The following NEURL1 variants were observed in gnomAD, a reference collection of about 807,000 sequenced individuals.
NEURL1 encodes the protein E3 ubiquitin-protein ligase NEURL1.
NEURL1 carries 26 observed loss-of-function variants against 41.2 expected under a neutral mutation model. The observed-to-expected ratio is 0.63, with a 90% CI of 0.46 to 0.87. The LOEUF (loss-of-function observed/expected upper bound fraction) is 0.87, where lower values mean the gene tolerates loss of function less well. Among genes scored for constraint, NEURL1 ranks in the 40% least tolerant of loss-of-function variants. The pLI is 0.00. For missense variants in NEURL1, 761 were observed against 871.1 expected (o/e 0.87, Z 1.59); for synonymous variants, 400 against 402.3 (o/e 0.99, Z 0.07).
intron 1 of NEURL1, among the ~76,000 whole-genome samples, chr10:103,565,357 G>A (rs560721283): frequency 1.2e-4 from 19 of 152,324 alleles, no homozygotes; most frequent in Middle Eastern, 3.4e-3. Flanking sequence ...TGCTCAGGCC[G>A]GGCCGGGCCT....
intron 1 of NEURL1, among the ~76,000 whole-genome samples, chr10:103,513,616 A>G (rs985218022): frequency 7.2e-5 from 11 of 152,198 alleles, no homozygotes; most frequent in Admixed American, 5.2e-4. Context: ...CAGAGGAGAA[A>G]CTGAGGCTCA....
intron 1 of NEURL1, among the ~76,000 whole-genome samples, chr10:103,496,260 T>C (rs1475055416): frequency 2.0e-5 from 3 of 152,204 alleles, no homozygotes; most frequent in Non-Finnish European, 2.9e-5. Context: ...ATAACCTAAA[T>C]GCTCAGTAAT....
At chr10:103,574,136 G>A (rs2035608023) in intron 3 of NEURL1, among the ~76,000 whole-genome samples, 1 of 151,926 alleles carries the variant, frequency 6.6e-6, no homozygotes, top group Non-Finnish European at 1.5e-5. Context: ...CAGATGCGTT[G>A]TTAGATGAAG....
In NEURL1 at chr10:103,584,963, G is replaced by C. The variant is rs370910732; in HGVS notation, c.1077G>C (p.Thr359=). The C allele has an allele frequency of 2.0e-6, 3 of 1,515,790 alleles. No homozygotes were observed. The highest frequency in any genetic ancestry group is 4.2e-5 in the Admixed American group (2 of 48,190). 93.9% of individuals were successfully genotyped at this position (1,515,790 alleles called of 1,614,324 possible). A position where few individuals can be genotyped will look rare whatever the true frequency, so the allele number is the denominator to read the frequency against. Residue 359 remains threonine, a synonymous_variant, in exon 4 of 6, where the codon ACG becomes ACC. Transcript: ENST00000369780. ...GCGCGCTGTCGTTCGGCGTCACCAC[G>C]TGCGACCCCGGCACGCTGCGGCCGG... ...RPGALSFGVT[T]CDPGTLRPAD... is the part of the protein sequence containing the mutation.
chr10:103,563,910 T>G (rs2035361921), intron 1 of NEURL1, among the ~76,000 whole-genome samples: 1 of 152,144 alleles, frequency 6.6e-6, no homozygotes, highest in African/African-American at 2.4e-5. Context: ...AGAGTGGCAT[T>G]GGGGGCATAA....
intron 1 of NEURL1, among the ~76,000 whole-genome samples, chr10:103,570,335 A>G (rs1188491117): frequency 6.6e-6 from 1 of 152,184 alleles, no homozygotes; most frequent in Non-Finnish European, 1.5e-5. Flanking sequence ...ATTGTGCCAG[A>G]GAGGGAAGTG....
chr10:103,533,963 G>A lies in NEURL1; in HGVS notation c.86-36909G>A, dbSNP rs934092761. ...TGGGATTACAGGCGTGAACCACCGCGCCTAGCTCAAATGACCTACCTTTCA... is the reference window on the plus strand; with the variant it reads ...TGGGATTACAGGCGTGAACCACCGCACCTAGCTCAAATGACCTACCTTTCA... On this transcript the variant is annotated intron_variant, in intron 1 of 5. Transcript: ENST00000369780. Among the ~76,000 whole-genome samples the A allele has an allele frequency of 5.9e-5, 9 of 152,088 alleles. No homozygotes were observed. In the South Asian group the frequency reaches 1.5e-3, roughly 25 times the overall value.
intron 1 of NEURL1, among the ~76,000 whole-genome samples, chr10:103,537,199 G>A (rs2034710916): frequency 6.6e-6 from 1 of 151,990 alleles, no homozygotes; most frequent in Non-Finnish European, 1.5e-5. Flanking sequence ...CCATGTTTTG[G>A]TCATTGTGAA....
intron 1 of NEURL1, among the ~76,000 whole-genome samples, chr10:103,542,688 T>A (rs1379156131): frequency 6.6e-6 from 1 of 152,156 alleles, no homozygotes; most frequent in African/African-American, 2.4e-5. Context: ...ACTTACTAGT[T>A]TTTTGTGGCT....
At chr10:103,546,393 G>A (rs962250458) in intron 1 of NEURL1, among the ~76,000 whole-genome samples, 4 of 152,236 alleles carry the variant, frequency 2.6e-5, no homozygotes, top group African/African-American at 9.6e-5. Context: ...TCTGTACAAA[G>A]GGATGAGCAT....
Position 103,583,705 on chromosome 10 carries a change from CAAAAAAAA to C in NEURL1, c.650-811_650-804del, listed in dbSNP as rs1228630032. Among the ~76,000 whole-genome samples the C allele has an allele frequency of 5.1e-4, 10 of 19,562 alleles. No individual in the cohort carries two copies. The East Asian group carries it at 8.1e-3, about 16-fold the overall frequency. 12.8% of individuals were successfully genotyped at this position (19,562 alleles called of 152,430 possible). On this transcript the variant is annotated intron_variant, in intron 3 of 5. Transcript: ENST00000369780. ...TGGGCCACAGAGCAAGATCCTGTCT[CAAAAAAAA>C]AAAAAAAAAAAAAAAAAAAGCCAAA...
chr10:103,513,702 CCTCTGGTT>C (rs995475362), intron 1 of NEURL1, among the ~76,000 whole-genome samples: 2 of 151,786 alleles, frequency 1.3e-5, no homozygotes, highest in African/African-American at 4.8e-5. Flanking sequence ...GGCCCCTGGT[CCTCTGGTT>C]CTCAGACCTC....
intron 3 of NEURL1, among the ~76,000 whole-genome samples, chr10:103,574,985 C>T (rs1387208394): frequency 9.5e-6 from 1 of 105,674 alleles, no homozygotes; most frequent in Non-Finnish European, 1.9e-5. Context: ...TTTATTCTTC[C>T]TGAATTTTTT....
chr10:103,510,375 G>T (rs1042155302), intron 1 of NEURL1, among the ~76,000 whole-genome samples: 2 of 152,172 alleles, frequency 1.3e-5, no homozygotes, highest in Non-Finnish European at 2.9e-5. Context: ...GGCTGCCCTG[G>T]GCACTGCCAG....
At chr10:103,562,325 G>A (rs1267732218) in intron 1 of NEURL1, among the ~76,000 whole-genome samples, 1 of 152,208 alleles carries the variant, frequency 6.6e-6, no homozygotes, top group African/African-American at 2.4e-5. Context: ...GGAGGTTGCA[G>A]TGAGCCAAGA....
intron 1 of NEURL1, among the ~76,000 whole-genome samples, chr10:103,499,805 A>G (rs879579119): frequency 1.8e-3 from 271 of 152,140 alleles, no homozygotes; most frequent in Middle Eastern, 3.4e-3. Flanking sequence ...CCCCTATCTG[A>G]GTCCTCATCC....
chr10:103,560,927 T>TAAGGA (rs1359548470), intron 1 of NEURL1, among the ~76,000 whole-genome samples: 4 of 152,244 alleles, frequency 2.6e-5, no homozygotes, highest in Non-Finnish European at 5.9e-5. Flanking sequence ...CTTAGCAGCT[T>TAAGGA]AAAACAACAA....
At chr10:103,536,012 T>C (rs2034684552) in intron 1 of NEURL1, among the ~76,000 whole-genome samples, 1 of 152,288 alleles carries the variant, frequency 6.6e-6, no homozygotes, top group East Asian at 1.9e-4. Flanking sequence ...GCAGCTTCCT[T>C]AGCTGAGCTT....
chr10:103,555,947 CTG>C (rs3976810), intron 1 of NEURL1, among the ~76,000 whole-genome samples: 5,117 of 152,334 alleles, frequency 0.034, 275 homozygotes, highest in African/African-American at 0.12. Context: ...GCATGTGTGT[CTG>C]TGCTCGTGAG....
Sources: gnomAD v4.1 joint callset for allele counts (sites outside exome capture counted in the v4.1 genomes callset) on GRCh38, gnomAD v4.1.1 for gene constraint, MANE v1.5 for transcripts, NCBI Gene and HGNC (gene_info 2026-07-23, HGNC 2026-07-21) for gene names.